POLR2B: variants seen among roughly 807,000 people sequenced by gnomAD.
The protein encoded by POLR2B is RNA polymerase II subunit B, also known as DNA-directed RNA polymerase II subunit RPB2.
Under a neutral mutation model 144.6 loss-of-function variants are expected in POLR2B, and 57 were observed. The observed-to-expected ratio is 0.39, with a 90% CI of 0.32 to 0.49. The LOEUF (loss-of-function observed/expected upper bound fraction) is 0.49, where lower values mean the gene tolerates loss of function less well. Among genes scored for constraint, POLR2B ranks in the 20% least tolerant of loss-of-function variants. The pLI is 0.83. For synonymous variants in POLR2B, 442 were observed against 469.8 expected (o/e 0.94, Z 0.77); for missense variants, 595 against 1,467.4 (o/e 0.41, Z 9.71).
intron 23 of POLR2B, among the ~76,000 whole-genome samples, chr4:57,029,123 AT>A (rs1354562073): frequency 2.0e-5 from 3 of 151,924 alleles, no homozygotes; most frequent in African/African-American, 4.8e-5. Context: ...GAGGCTTGAG[AT>A]TTAGCGTTTG....
chr4:57,030,174 TAC>T, intron 23 of POLR2B, 28 bp from the exon 24 acceptor site: 1 of 1,565,892 alleles, frequency 6.4e-7, no homozygotes, highest in Non-Finnish European at 8.8e-7. Context: ...AAAAAATAAG[TAC>T]AAAGTAATAA....
intron 1 of POLR2B, among the ~76,000 whole-genome samples, chr4:56,982,116 T>C (rs10461349): frequency 0.029 from 4,450 of 152,306 alleles, 337 homozygotes; most frequent in East Asian, 0.25. Context: ...TGAATGTGTA[T>C]ACTTCTAGTT....
chr4:56,986,518 T>A lies in POLR2B; in HGVS notation c.92+92T>A. The A allele has an allele frequency of 4.3e-6, 3 of 694,034 alleles. No homozygotes were observed. The South Asian group carries it at 5.3e-5, about 12-fold the overall frequency. 43.0% of individuals were successfully genotyped at this position (694,034 alleles called of 1,614,324 possible). A position where few individuals can be genotyped will look rare whatever the true frequency, so the allele number is the denominator to read the frequency against. On this transcript the variant is annotated intron_variant, in intron 2 of 24. Coordinates refer to ENST00000314595, the MANE Select transcript of POLR2B (RefSeq NM_000938.3). ...AAATAGCTCTTCTATATAAATATGC[T>A]ACATGAGAGTAGTTATTTTATTTAT...
chr4:56,990,799 T>C lies in POLR2B; in HGVS notation c.144T>C (p.Asp48=). ...TTAGACAACAGCTGGATTCTTTTGA[T>C]GAGTTTATTCAGATGTCTGTTCAAA... ...GLVRQQLDSF[D]EFIQMSVQRI... The change falls in exon 3 of 25, where the codon GAT becomes GAC. Residue 48 remains aspartate, a synonymous_variant. Transcript: ENST00000314595. The C allele has an allele frequency of 6.2e-7, 1 of 1,613,428 alleles. No individual in the cohort carries two copies. Among genetic ancestry groups the C allele is most frequent in the Non-Finnish European group, 8.5e-7 (1 of 1,179,518 alleles).
intron 23 of POLR2B, among the ~76,000 whole-genome samples, chr4:57,025,929 T>TA (rs969362777): frequency 6.7e-5 from 10 of 150,354 alleles, no homozygotes; most frequent in African/African-American, 1.7e-4. Flanking sequence ...ACTACACCTT[T>TA]AAAAAAAAAA....
intron 1 of POLR2B, among the ~76,000 whole-genome samples, chr4:56,979,614 T>C (rs537893835): frequency 6.6e-6 from 1 of 152,316 alleles, no homozygotes; most frequent in East Asian, 1.9e-4. Context: ...TACCTGTTTG[T>C]TTGCGCATAT....
rs145053000 is a variant in POLR2B at position 57,019,900 on chromosome 4, G to GT, written c.2324-996dup. Among the ~76,000 whole-genome samples the GT allele has an allele frequency of 5.5e-3, 833 of 151,908 alleles. 7 individuals carry two copies. The highest frequency in any genetic ancestry group is 0.02 in the African/African-American group (809 of 41,426). ...TCTTTAGTTTCCTTAATCTAGAACA[G>GT]TTTCTCAGTCTTTCCTTGTCTTTCA... On this transcript the variant is annotated intron_variant, in intron 16 of 24. Coordinates refer to ENST00000314595, the MANE Select transcript of POLR2B (RefSeq NM_000938.3).
chr4:56,983,003 A>G (rs990831073), intron 1 of POLR2B, among the ~76,000 whole-genome samples: 1 of 152,102 alleles, frequency 6.6e-6, no homozygotes, highest in Non-Finnish European at 1.5e-5. Context: ...CTCCACCATC[A>G]TTCTAGTTCA....
At chr4:57,005,783 G>C in intron 9 of POLR2B, 64 bp downstream of exon 9, 1 of 1,470,364 alleles carries the variant, frequency 6.8e-7, no homozygotes, top group Middle Eastern at 1.8e-4. Context: ...ATTGATCATT[G>C]CATATGGCCA....
chr4:56,980,947 G>T lies in POLR2B; in HGVS notation c.19+1943G>T, dbSNP rs533043576. On this transcript the variant is annotated intron_variant, in intron 1 of 24. Coordinates refer to ENST00000314595, the MANE Select transcript of POLR2B (RefSeq NM_000938.3). ...AGCCTCCCGAGTAGCTGAGATTACA[G>T]GCGTACACCACCGTGCCCAGCTAAT... Among the ~76,000 whole-genome samples the T allele has an allele frequency of 4.6e-5, 7 of 151,832 alleles. No homozygotes were observed. The East Asian group carries it at 1.4e-3, about 30-fold the overall frequency.
chr4:56,995,376 T>A lies in POLR2B; in HGVS notation c.702T>A (p.Thr234=). Residue 234 remains threonine, a synonymous_variant, in exon 6 of 25, where the codon ACT becomes ACA. Coordinates refer to ENST00000314595, the MANE Select transcript of POLR2B (RefSeq NM_000938.3). ...AGAATTCTTCCCGACCCACCAGTAC[T>A]ATATGGGTTAGCATGCTGGCAAGAG... ...CLENSSRPTS[T]IWVSMLARGG... 6.2e-7 allele frequency: 1 copy of A among 1,611,832 alleles called. No individual in the cohort carries two copies. Among genetic ancestry groups the A allele is most frequent in the Non-Finnish European group, 8.5e-7 (1 of 1,178,310 alleles).
At chr4:56,995,066 T>C (rs1722636778) in intron 5 of POLR2B, among the ~76,000 whole-genome samples, 185 bp from the exon 6 acceptor site, 1 of 152,192 alleles carries the variant, frequency 6.6e-6, no homozygotes, top group Admixed American at 6.5e-5. Context: ...ACTGGGAATT[T>C]GGTCAGTTTT....
chr4:56,980,580 C>T (rs1206506654), intron 1 of POLR2B, among the ~76,000 whole-genome samples: 2 of 151,992 alleles, frequency 1.3e-5, no homozygotes, highest in South Asian at 2.1e-4. Flanking sequence ...ATTAGCTGGG[C>T]GTGGTCTTGC....
chr4:57,022,340 C>G, intron 18 of POLR2B, 94 bp downstream of exon 18: 1 of 701,958 alleles, frequency 1.4e-6, no homozygotes, highest in South Asian at 1.8e-5. Flanking sequence ...CCTGTGCCTG[C>G]CCCTGTCCTC....
intron 3 of POLR2B, 106 bp from the exon 4 acceptor site, chr4:56,994,298 G>C: frequency 3.1e-6 from 2 of 642,932 alleles, no homozygotes; most frequent in South Asian, 4.0e-5. Flanking sequence ...TTGCCAGTTT[G>C]TAGAGTTGCT....
At position 56,996,011 on chromosome 4, in the gene POLR2B, T is replaced by G. The variant is rs1722664385; in HGVS notation, c.735+602T>G. On this transcript the variant is annotated intron_variant, in intron 6 of 24. Transcript: ENST00000314595. ...ACTAAAGAGGGTATTACAAGGGCAA[T>G]AGTAGGAGGCAGGAATCATTGGGTA... 3.3e-5 allele frequency among the ~76,000 whole-genome samples: 5 copies of G among 152,122 alleles called. No homozygotes were observed. In the South Asian group the frequency reaches 1.0e-3, roughly 32 times the overall value.
chr4:57,019,385 T>G (rs1359011061), intron 16 of POLR2B, among the ~76,000 whole-genome samples: 1 of 152,120 alleles, frequency 6.6e-6, no homozygotes, highest in Non-Finnish European at 1.5e-5. Flanking sequence ...CTTTTTTTTT[T>G]TGTAGAGATA....
intron 21 of POLR2B, 64 bp from the exon 22 acceptor site, chr4:57,024,822 G>T: frequency 1.3e-6 from 1 of 770,028 alleles, no homozygotes; most frequent in Non-Finnish European, 2.2e-6. Flanking sequence ...CATTTTTATT[G>T]ATATGACTTT....
At chr4:56,982,296 C>T (rs1176580129) in intron 1 of POLR2B, among the ~76,000 whole-genome samples, 2 of 152,042 alleles carry the variant, frequency 1.3e-5, no homozygotes, top group Admixed American at 1.3e-4. Flanking sequence ...CCCTCTGTAT[C>T]TGTAGGTTTC....
Sources: gnomAD v4.1 joint callset for allele counts (sites outside exome capture counted in the v4.1 genomes callset) on GRCh38, gnomAD v4.1.1 for gene constraint, MANE v1.5 for transcripts, NCBI Gene and HGNC (gene_info 2026-07-23, HGNC 2026-07-21) for gene names.